MACROD2: variants seen among roughly 807,000 people sequenced by gnomAD.
MACROD2 encodes the protein mono-ADP ribosylhydrolase 2.
Under a neutral mutation model 70.4 loss-of-function variants are expected in MACROD2, and 36 were observed. The observed-to-expected ratio is 0.51, with a 90% CI of 0.39 to 0.68. The LOEUF is 0.68. Among genes scored for constraint, MACROD2 ranks in the 30% least tolerant of loss-of-function variants. MACROD2 has a pLI of 0.00. For missense variants in MACROD2, 496 were observed against 538.4 expected, an observed-to-expected ratio of 0.92 and a Z score of 0.78; for synonymous variants, 172 against 178.8, an observed-to-expected ratio of 0.96 and a Z score of 0.30.
At chr20:14,335,995 T>G (rs544452727) in intron 3 of MACROD2, among the ~76,000 whole-genome samples, 26 of 152,312 alleles carry the variant, frequency 1.7e-4, no homozygotes, top group African/African-American at 6.3e-4. Context: ...TGTGGCACTT[T>G]TAAAGGATTA....
At chr20:16,026,760 C>T (rs2067086584) in intron 15 of MACROD2, among the ~76,000 whole-genome samples, 1 of 152,024 alleles carries the variant, frequency 6.6e-6, no homozygotes, top group Admixed American at 6.6e-5. Context: ...CTTTTTCAGA[C>T]AACAAAAGAC....
chr20:15,914,545 A>C (rs1384618970), intron 10 of MACROD2, among the ~76,000 whole-genome samples: 1 of 152,230 alleles, frequency 6.6e-6, no homozygotes, highest in Non-Finnish European at 1.5e-5. Flanking sequence ...ATTACATGAG[A>C]TAACACGTGG....
chr20:14,240,774 A>ATT (rs2081922104), intron 3 of MACROD2, among the ~76,000 whole-genome samples: 1 of 152,220 alleles, frequency 6.6e-6, no homozygotes, highest in Non-Finnish European at 1.5e-5. Context: ...TAATCAGTAC[A>ATT]CTAAATGCTC....
At chr20:14,193,096 A>G (rs571483368) in intron 3 of MACROD2, among the ~76,000 whole-genome samples, 27 of 152,294 alleles carry the variant, frequency 1.8e-4, no homozygotes, top group Non-Finnish European at 2.6e-4. Flanking sequence ...CTTCAATACA[A>G]TCTTATCTGG....
chr20:14,042,236 C>T (rs1257110279), intron 2 of MACROD2, among the ~76,000 whole-genome samples: 6 of 152,092 alleles, frequency 3.9e-5, no homozygotes, highest in Admixed American at 2.6e-4. Flanking sequence ...GTTGATTCCA[C>T]AGCTGCTCTC....
chr20:14,033,171 C>T (rs1217576343), intron 2 of MACROD2, among the ~76,000 whole-genome samples: 1 of 146,834 alleles, frequency 6.8e-6, no homozygotes, highest in African/African-American at 2.5e-5. Flanking sequence ...TAGTTTTTTT[C>T]CCCCCAGATA....
chr20:14,515,632 C>T (rs2123160929), intron 4 of MACROD2, among the ~76,000 whole-genome samples: 1 of 152,092 alleles, frequency 6.6e-6, no homozygotes, highest in African/African-American at 2.4e-5. Context: ...CATGATCTCA[C>T]TTATATGTGG....
At chr20:15,834,589 A>G (rs140349663) in intron 8 of MACROD2, among the ~76,000 whole-genome samples, 2 of 152,142 alleles carry the variant, frequency 1.3e-5, no homozygotes, top group East Asian at 3.9e-4. Flanking sequence ...TCCAGTTTCA[A>G]TTAATTTTTG....
chr20:15,838,613 T>C (rs1039437448), intron 8 of MACROD2, among the ~76,000 whole-genome samples: 4 of 152,166 alleles, frequency 2.6e-5, no homozygotes, highest in East Asian at 1.9e-4. Flanking sequence ...TGAGAAGAGA[T>C]TGACCAGTGT....
intron 8 of MACROD2, among the ~76,000 whole-genome samples, chr20:15,831,714 C>T (rs1247015731): frequency 6.6e-6 from 1 of 152,110 alleles, no homozygotes; most frequent in African/African-American, 2.4e-5. Flanking sequence ...TGTCTTCTTC[C>T]TCCTGGCCTC....
chr20:15,030,080 C>CA (rs75395660), intron 5 of MACROD2, among the ~76,000 whole-genome samples: 20,154 of 76,656 alleles, frequency 0.26, 1,791 homozygotes, highest in African/African-American at 0.3. Flanking sequence ...ACTCCGTCTC[C>CA]AAAAAAAAAA....
intron 4 of MACROD2, among the ~76,000 whole-genome samples, chr20:14,655,319 C>CTGTG (rs11470954): frequency 0.061 from 8,596 of 141,560 alleles, 294 homozygotes; most frequent in African/African-American, 0.093. Context: ...AAAGTGGACA[C>CTGTG]TGTGTGTGTG....
At position 15,737,050 on chromosome 20, in the gene MACROD2, G is replaced by A. The variant is rs960468519; in HGVS notation, c.646-125695G>A. 2.6e-5 allele frequency among the ~76,000 whole-genome samples: 4 copies of A among 152,344 alleles called. No homozygotes were observed. In the South Asian group the frequency reaches 8.3e-4, roughly 32 times the overall value. ...GGCAGGAGCAATGGGAGAAAGAGGT[G>A]TAGGACTTAAATAAAGAATTGATTG... On this transcript the variant is annotated intron_variant, in intron 8 of 17. Coordinates refer to ENST00000684519, the MANE Select transcript of MACROD2 (RefSeq NM_001351661.2).
chr20:15,391,094 G>A (rs572177239), intron 6 of MACROD2, among the ~76,000 whole-genome samples: 2 of 152,174 alleles, frequency 1.3e-5, no homozygotes, highest in Non-Finnish European at 2.9e-5. Context: ...AACTAGATGA[G>A]TTGATGGCAG....
chr20:14,629,029 T>C (rs1841747880), intron 4 of MACROD2: 1 of 152,146 alleles, frequency 6.6e-6, no homozygotes, highest in African/African-American at 2.4e-5. Flanking sequence ...AAAATAGTGC[T>C]AAAAAAGCCT....
At chr20:14,092,854 C>T (rs888974460) in intron 3 of MACROD2, among the ~76,000 whole-genome samples, 1 of 152,120 alleles carries the variant, frequency 6.6e-6, no homozygotes, top group African/African-American at 2.4e-5. Flanking sequence ...GCTGTCTTTT[C>T]TGAGAGAACT....
chr20:14,010,193 A>G lies in MACROD2; in HGVS notation c.163+7789A>G, dbSNP rs146932412. On this transcript the variant is annotated intron_variant, in intron 2 of 17. Coordinates refer to ENST00000684519, the MANE Select transcript of MACROD2 (RefSeq NM_001351661.2). Reference sequence around the variant, plus strand: ...AAGACTTTATATTTCATATTTTTATACATGTTTATCTGTATTACATACTAT... The same window carrying G: ...AAGACTTTATATTTCATATTTTTATGCATGTTTATCTGTATTACATACTAT... 8.2e-3 allele frequency among the ~76,000 whole-genome samples: 1,251 copies of G among 152,354 alleles called. 13 individuals are homozygous for G. Among genetic ancestry groups the G allele is most frequent in the African/African-American group, 0.029 (1,193 of 41,584 alleles).
intron 5 of MACROD2, among the ~76,000 whole-genome samples, chr20:15,111,195 C>T (rs1422404532): frequency 7.8e-5 from 11 of 140,534 alleles, no homozygotes; most frequent in Non-Finnish European, 1.1e-4. Context: ...TTTTTTGCGA[C>T]GGAGTCTCAC....
rs868356621 is a variant in MACROD2, at chr20:15,409,634, G to A, written c.541-21771G>A. 7.2e-5 allele frequency among the ~76,000 whole-genome samples: 11 copies of A among 152,274 alleles called. No individual in the cohort carries two copies. In the South Asian group the frequency reaches 2.3e-3, roughly 32 times the overall value. On this transcript the variant is annotated intron_variant, in intron 6 of 17. Transcript: ENST00000684519. ...AGGTGATGCTAGGATGCACTGATAG[G>A]AAAATGAGGAAGTGATCATGAGAAT...
Sources: gnomAD v4.1 joint callset for allele counts (sites outside exome capture counted in the v4.1 genomes callset) on GRCh38, gnomAD v4.1.1 for gene constraint, MANE v1.5 for transcripts, NCBI Gene and HGNC (gene_info 2026-07-23, HGNC 2026-07-21) for gene names.